Variants in PGR observed in about 807,000 individuals in gnomAD.
PGR encodes nuclear receptor subfamily 3 group C member 3.
Under a neutral mutation model 76.1 loss-of-function variants are expected in PGR, and 25 were observed. That is an observed-to-expected ratio of 0.33 (90% confidence interval 0.24 to 0.46). The LOEUF (loss-of-function observed/expected upper bound fraction) is 0.46, where lower values mean the gene tolerates loss of function less well. PGR is among the 20% of genes least tolerant of loss of function. The pLI, the probability that PGR is intolerant of heterozygous loss-of-function variation, is 1.00. For synonymous variants in PGR, 579 were observed against 535.0 expected (o/e 1.08, Z -1.14); for missense variants, 1,172 against 1,225.3 (o/e 0.96, Z 0.65).
rs1241393280 is a variant in PGR, at chr11:101,041,955, T to C, written c.2636A>G (p.Asn879Ser). The C allele has an allele frequency of 6.2e-7, 1 of 1,613,220 alleles. No homozygotes were observed. The highest frequency in any genetic ancestry group is 1.7e-5 in the Admixed American group (1 of 59,932). The change falls in exon 7 of 8, where the codon AAC becomes AGC. Residue 879 changes from asparagine to serine, a missense_variant. By Grantham distance (46) the Asn-to-Ser change is conservative. Transcript: ENST00000325455. ...RFYQLTKLLD[N>S]LHDLVKQLHL... ...CAACCAAATACTTACATCATGCAAG[T>C]TATCAAGAAGTTTTGTAAGTTGATA...
chr11:101,058,304 A>G (rs1236889637), intron 4 of PGR, among the ~76,000 whole-genome samples: 1 of 152,148 alleles, frequency 6.6e-6, no homozygotes, highest in African/African-American at 2.4e-5. Flanking sequence ...CACATTTATT[A>G]AGGCCTTTAC....
rs761005316 is a variant in PGR at position 101,051,447 on chromosome 11, A to G, written c.2334T>C (p.Phe778=). ...YKHVSGQMLY[F]APDLILNEQR... ...ACTCATTTAGTATTAGATCAGGTGC[A>G]AAATACAGCATCTGCCCACTGACGT... The change falls in exon 5 of 8, where the codon TTT becomes TTC. Residue 778 remains phenylalanine, a synonymous_variant. Coordinates refer to ENST00000325455, the MANE Select transcript of PGR (RefSeq NM_000926.4). 1 of 1,609,638 alleles carries G rather than the reference A, an allele frequency of 6.2e-7. No homozygotes were observed. The highest frequency in any genetic ancestry group is 1.7e-5 in the Admixed American group (1 of 59,940).
At position 101,128,681 on chromosome 11, in the gene PGR, G is replaced by A. The variant is rs778897733; in HGVS notation, c.390C>T (p.Ser130=). 6.2e-7 allele frequency: 1 copy of A among 1,600,536 alleles called. No homozygotes were observed. Among genetic ancestry groups the A allele is most frequent in the Non-Finnish European group, 8.5e-7 (1 of 1,174,506 alleles). Residue 130 remains serine (S), a synonymous_variant, in exon 1 of 8, where the codon AGC becomes AGT. Transcript: ENST00000325455. ...APSGPGQSQP[S]PPACEVTSSW... ...AGCTGGTGACCTCGCAGGCGGGAGG[G>A]CTGGGTTGGCTCTGCCCGGGACCTG... is the stretch of plus-strand genomic sequence containing the variant.
At chr11:101,084,648 A>G (rs562317102) in intron 3 of PGR, among the ~76,000 whole-genome samples, 1 of 138,888 alleles carries the variant, frequency 7.2e-6, no homozygotes, top group South Asian at 2.6e-4. Flanking sequence ...TCAGAGTAAG[A>G]CTCCATCTAA....
At chr11:101,060,257 A>C (rs567302044) in intron 4 of PGR, among the ~76,000 whole-genome samples, 1 of 152,244 alleles carries the variant, frequency 6.6e-6, no homozygotes, top group South Asian at 2.1e-4. Flanking sequence ...ATTAGTGAGG[A>C]TCACTTAACA....
At chr11:101,105,259 T>C (rs1210107952) in intron 2 of PGR, among the ~76,000 whole-genome samples, 19 of 152,154 alleles carry the variant, frequency 1.2e-4, no homozygotes, top group Admixed American at 1.2e-3. Context: ...TGATCTGACT[T>C]ATATTTTAAC....
intron 4 of PGR, among the ~76,000 whole-genome samples, chr11:101,052,462 C>T (rs1860129558): frequency 6.6e-6 from 1 of 151,958 alleles, no homozygotes; most frequent in Non-Finnish European, 1.5e-5. Flanking sequence ...TCCCAATTCT[C>T]AAGGGAAGAT....
chr11:101,128,527 G>C lies in PGR; in HGVS notation c.544C>G (p.His182Asp). Residue 182 changes from histidine (H) to aspartate (D), a missense_variant, in exon 1 of 8, where the codon CAT (histidine) becomes GAT (aspartate). Physicochemically the swap from His to Asp is moderately conservative, Grantham distance 81. Transcript: ENST00000325455. ...VGDSSGTAAA[H>D]KVLPRGLSPA... ...GACAGGCCCCGGGGCAGCACTTTAT[G>C]GGCAGCTGCCGTCCCGGAGCTGTCT... The C allele has an allele frequency of 6.2e-7, 1 of 1,601,136 alleles. No homozygotes were observed. Among genetic ancestry groups the C allele is most frequent in the South Asian group, 1.1e-5 (1 of 90,012 alleles).
chr11:101,070,006 A>T (rs1017149632), intron 3 of PGR, among the ~76,000 whole-genome samples: 2 of 152,114 alleles, frequency 1.3e-5, no homozygotes, highest in Admixed American at 1.3e-4. Context: ...ATTAAAAAAA[A>T]AAAAAGTAGA....
At position 101,114,480 on chromosome 11, in the gene PGR, TACAA is replaced by T. The variant is rs369160057; in HGVS notation, c.1789+11523_1789+11526del. ...GCTGAGGACATTATGTAGAATATAATACAAACAATTTGAAATTAAACTACTTCTC... is the reference window on the plus strand; with the variant it reads ...GCTGAGGACATTATGTAGAATATAATACAATTTGAAATTAAACTACTTCTC... On this transcript the variant is annotated intron_variant, in intron 2 of 7. Transcript: ENST00000325455. Among the ~76,000 whole-genome samples the T allele has an allele frequency of 8.0e-3, 1,224 of 152,340 alleles. 17 individuals are homozygous for T. Among genetic ancestry groups the T allele is most frequent in the African/African-American group, 0.026 (1,080 of 41,582 alleles).
chr11:101,072,010 C>A (rs904645025), intron 3 of PGR, among the ~76,000 whole-genome samples: 1 of 151,902 alleles, frequency 6.6e-6, no homozygotes, highest in Non-Finnish European at 1.5e-5. Flanking sequence ...AAGAGCAACC[C>A]CAAGACACAT....
At chr11:101,058,416 C>A (rs536189179) in intron 4 of PGR, among the ~76,000 whole-genome samples, 1 of 152,236 alleles carries the variant, frequency 6.6e-6, no homozygotes, top group African/African-American at 2.4e-5. Flanking sequence ...AATCCTCTGT[C>A]AAGATGCAAT....
intron 4 of PGR, among the ~76,000 whole-genome samples, chr11:101,057,406 A>C (rs1403292826): frequency 6.6e-6 from 1 of 152,194 alleles, no homozygotes; most frequent in Non-Finnish European, 1.5e-5. Flanking sequence ...TGAGAGATTA[A>C]CACTGCAAAT....
chr11:101,124,224 GCTTT>G (rs1385568464), intron 2 of PGR, among the ~76,000 whole-genome samples: 8 of 152,140 alleles, frequency 5.3e-5, no homozygotes, highest in Non-Finnish European at 7.4e-5. Context: ...TCCAACAAAT[GCTTT>G]CTAAGAGTAC....
intron 4 of PGR, among the ~76,000 whole-genome samples, chr11:101,059,842 CAAA>C (rs781123527): frequency 2.6e-3 from 164 of 62,764 alleles, no homozygotes; most frequent in African/African-American, 8.8e-3. Flanking sequence ...GACCCTCTCT[CAAA>C]AAAAAAAAAA....
At position 101,127,780 on chromosome 11, in the gene PGR, G is replaced by C. The variant is rs1862914738; in HGVS notation, c.1291C>G (p.Pro431Ala). The C allele has an allele frequency of 1.7e-5, 27 of 1,563,630 alleles. No homozygotes were observed. Among genetic ancestry groups the C allele is most frequent in the Non-Finnish European group, 2.3e-5 (27 of 1,163,142 alleles). ...ACCGCCGCTTCCCCGGGTCTGGATG[G>C]GGTCGCTCGCGGCGGCAGCGGGGGC... is the stretch of plus-strand genomic sequence containing the variant. ...PPPPLPPRAT[P>A]SRPGEAAVTA... Residue 431 changes from proline to alanine, a missense_variant, in exon 1 of 8, where the codon CCA (proline) becomes GCA (alanine). By Grantham distance (27) the Pro-to-Ala change is conservative (BLOSUM62 -1). Transcript: ENST00000325455.
At chr11:101,076,711 A>C (rs2135432768) in intron 3 of PGR, among the ~76,000 whole-genome samples, 1 of 151,828 alleles carries the variant, frequency 6.6e-6, no homozygotes, top group African/African-American at 2.4e-5. Context: ...CTAAAAATAA[A>C]AATTTTGAAA....
At chr11:101,098,991 C>G (rs190691405) in intron 2 of PGR, among the ~76,000 whole-genome samples, 11 of 152,244 alleles carry the variant, frequency 7.2e-5, no homozygotes. Flanking sequence ...GGTATAGGAA[C>G]CTGGGCCAAG....
At position 101,119,146 on chromosome 11, in the gene PGR, G is replaced by A. The variant is rs576190491; in HGVS notation, c.1789+6861C>T. Reference sequence around the variant, plus strand: ...GCTGCTGCTGATGTGACAGGGAGGCGGAGCTCAGTCTGTAATTCTCGCTTG... The same window carrying A: ...GCTGCTGCTGATGTGACAGGGAGGCAGAGCTCAGTCTGTAATTCTCGCTTG... On this transcript the variant is annotated intron_variant, in intron 2 of 7. Transcript: ENST00000325455. 5.9e-5 allele frequency among the ~76,000 whole-genome samples: 9 copies of A among 152,214 alleles called. No homozygotes were observed. The South Asian group carries it at 6.2e-4, about 11-fold the overall frequency.
Sources: gnomAD v4.1 joint callset for allele counts (sites outside exome capture counted in the v4.1 genomes callset) on GRCh38, gnomAD v4.1.1 for gene constraint, MANE v1.5 for transcripts, NCBI Gene and HGNC (gene_info 2026-07-23, HGNC 2026-07-21) for gene names.